The following ADAM2 variants were observed in gnomAD, a reference collection of about 807,000 sequenced individuals.
The protein encoded by ADAM2 is ADAM metallopeptidase domain 2.
In ADAM2, 101 loss-of-function variants were observed where a neutral mutation model predicts 99.3. That is an observed-to-expected ratio of 1.02 (90% CI 0.87 to 1.20). ADAM2 has a LOEUF of 1.20. Among genes scored for constraint, ADAM2 ranks in the 50% most tolerant of loss-of-function variants. The pLI, the probability that ADAM2 is intolerant of heterozygous loss-of-function variation, is 0.00. For synonymous variants in ADAM2, 323 were observed against 287.6 expected (o/e 1.12, Z -1.25); for missense variants, 948 against 878.7 (o/e 1.08, Z -1.00).
chr8:39,772,465 T>G (rs1802821157), intron 11 of ADAM2, among the ~76,000 whole-genome samples: 1 of 152,066 alleles, frequency 6.6e-6, no homozygotes, highest in South Asian at 2.1e-4. Flanking sequence ...AAAACTTCCA[T>G]TAGGGATATG....
At position 39,767,058 on chromosome 8, in the gene ADAM2, T is replaced by C. The variant is rs1418912968; in HGVS notation, c.1312-15A>G. 6.2e-7 allele frequency: 1 copy of C among 1,610,318 alleles called. No individual in the cohort carries two copies. Among genetic ancestry groups the C allele is most frequent in the East Asian group, 2.2e-5 (1 of 44,814 alleles). On this transcript the variant is annotated splice_polypyrimidine_tract_variant and intron_variant, in intron 13 of 20. Transcript: ENST00000265708. The stretch of plus-strand genomic sequence containing the variant: ...TTTGACATAAACTGATGGGATGAGG[T>C]AAATGATATTGAATTAAGCAGAATG...
intron 7 of ADAM2, among the ~76,000 whole-genome samples, chr8:39,801,386 C>T (rs778293673): frequency 3.2e-4 from 48 of 152,236 alleles, no homozygotes; most frequent in South Asian, 1.7e-3. Flanking sequence ...AGATGGGTAC[C>T]TTCTCCTTCT....
At chr8:39,819,370 TATC>T (rs1419400317) in intron 6 of ADAM2, among the ~76,000 whole-genome samples, 1 of 152,074 alleles carries the variant, frequency 6.6e-6, no homozygotes, top group African/African-American at 2.4e-5. Flanking sequence ...AATATTAAAG[TATC>T]ATATATCAAA....
At chr8:39,834,068 T>C in intron 2 of ADAM2, 69 bp from the exon 3 acceptor site, 2 of 806,066 alleles carry the variant, frequency 2.5e-6, no homozygotes, top group Admixed American at 4.5e-5. Context: ...ACCATCATTT[T>C]ACATTAATGA....
chr8:39,833,720 A>T (rs1185927077), intron 3 of ADAM2, among the ~76,000 whole-genome samples: 2 of 152,136 alleles, frequency 1.3e-5, no homozygotes, highest in African/African-American at 4.8e-5. Flanking sequence ...TGGATCACCA[A>T]ATAAAAATTT....
chr8:39,823,737 G>A (rs914508622), intron 4 of ADAM2, among the ~76,000 whole-genome samples: 1 of 151,694 alleles, frequency 6.6e-6, no homozygotes, highest in African/African-American at 2.4e-5. Context: ...ATGTATGTGT[G>A]TGTATAACAC....
At chr8:39,762,057 C>A (rs1802390562) in intron 14 of ADAM2, among the ~76,000 whole-genome samples, 1 of 152,162 alleles carries the variant, frequency 6.6e-6, no homozygotes. Flanking sequence ...GCACTCCAGC[C>A]TGGGCGACAG....
chr8:39,752,726 G>A (rs1021393107), intron 16 of ADAM2, among the ~76,000 whole-genome samples: 12 of 152,188 alleles, frequency 7.9e-5, no homozygotes, highest in East Asian at 1.9e-4. Flanking sequence ...GAATTATGGC[G>A]GCAGGTTTTT....
intron 14 of ADAM2, among the ~76,000 whole-genome samples, chr8:39,765,160 A>C (rs1203948828): frequency 6.6e-6 from 1 of 152,212 alleles, no homozygotes; most frequent in Non-Finnish European, 1.5e-5. Context: ...ACAAGCAGGA[A>C]GTGAAAGCTA....
intron 7 of ADAM2, among the ~76,000 whole-genome samples, chr8:39,796,590 G>C (rs1020597690): frequency 1.3e-5 from 2 of 151,970 alleles, no homozygotes; most frequent in African/African-American, 4.8e-5. Context: ...TGGTATTTTG[G>C]GTTCTAGACC....
chr8:39,810,356 T>C (rs967996577), intron 6 of ADAM2, among the ~76,000 whole-genome samples: 1 of 152,150 alleles, frequency 6.6e-6, no homozygotes, highest in Non-Finnish European at 1.5e-5. Context: ...CACCCCACTG[T>C]CAACATTAGA....
intron 14 of ADAM2, among the ~76,000 whole-genome samples, chr8:39,765,690 C>T (rs1802542155): frequency 6.6e-6 from 1 of 152,158 alleles, no homozygotes; most frequent in African/African-American, 2.4e-5. Context: ...CATTGTGGTA[C>T]CAAATTACCC....
chr8:39,794,310 T>G (rs183094262), intron 7 of ADAM2, among the ~76,000 whole-genome samples: 1 of 152,302 alleles, frequency 6.6e-6, no homozygotes, highest in African/African-American at 2.4e-5. Flanking sequence ...AGTGTTTATA[T>G]AAATGAAATA....
In ADAM2 at chr8:39,769,422, T is replaced by G; in HGVS notation, c.1182A>C (p.Ala394=). The part of the protein sequence containing the change: ...QAVCGNAKLE[A]GEECDCGTEQ... ...CAGTCCCACAGTCACACTCCTCTCC[T>G]GCTTCCAGCTTTGCATTACCACACA... The change falls in exon 12 of 21, where the codon GCA becomes GCC. Residue 394 remains alanine, a synonymous_variant. Transcript: ENST00000265708. 1.2e-6 allele frequency: 2 copies of G among 1,614,036 alleles called. No individual in the cohort carries two copies. The highest frequency in any genetic ancestry group is 1.7e-6 in the Non-Finnish European group (2 of 1,179,930).
At chr8:39,831,607 A>C (rs966039948) in intron 3 of ADAM2, among the ~76,000 whole-genome samples, 2 of 152,184 alleles carry the variant, frequency 1.3e-5, no homozygotes, top group Non-Finnish European at 2.9e-5. Flanking sequence ...CAGAGATAAA[A>C]AGCCATAAAA....
At chr8:39,819,598 G>T (rs1586151507) in intron 6 of ADAM2, among the ~76,000 whole-genome samples, 1 of 152,054 alleles carries the variant, frequency 6.6e-6, no homozygotes, top group African/African-American at 2.4e-5. Flanking sequence ...TCATTATGTG[G>T]GTGAACTTCA....
rs775411384 is a variant in ADAM2 at position 39,808,264 on chromosome 8, G to A, written c.570+1146C>T. 5.6e-4 allele frequency among the ~76,000 whole-genome samples: 84 copies of A among 149,030 alleles called. 1 individual carries two copies. The highest frequency in any genetic ancestry group is 5.9e-4 in the Non-Finnish European group (40 of 67,354). On this transcript the variant is annotated intron_variant, in intron 7 of 20. Coordinates refer to ENST00000265708, the MANE Select transcript of ADAM2 (RefSeq NM_001464.5). The stretch of plus-strand genomic sequence containing the variant: ...ATTTTTTGCAAAAATCACAAGATAC[G>A]AGATCAATTAACTTTTTTTACACTA...
chr8:39,784,701 G>A (rs1586095060), intron 10 of ADAM2, among the ~76,000 whole-genome samples: 1 of 152,248 alleles, frequency 6.6e-6, no homozygotes, highest in East Asian at 1.9e-4. Flanking sequence ...GGCATGTGAT[G>A]AAATAAACAA....
intron 3 of ADAM2, among the ~76,000 whole-genome samples, chr8:39,828,259 G>T (rs1197504485): frequency 6.6e-6 from 1 of 151,634 alleles, no homozygotes; most frequent in African/African-American, 2.4e-5. Flanking sequence ...AAATATACAG[G>T]TTTGTGATGT....
Sources: allele counts gnomAD v4.1 joint callset (sites outside exome capture counted in the v4.1 genomes callset), GRCh38; gene constraint gnomAD v4.1.1; transcripts MANE v1.5; gene names NCBI Gene and HGNC (gene_info 2026-07-23, HGNC 2026-07-21).